Variants in ROBO2 observed in about 807,000 individuals in gnomAD.
The protein encoded by ROBO2 is roundabout guidance receptor 2.
A neutral mutation model predicts 160.8 loss-of-function variants in ROBO2; 53 were observed. That is an observed-to-expected ratio of 0.33 (90% confidence interval 0.26 to 0.41). The LOEUF is 0.41. Ranked by LOEUF, ROBO2 falls within the 10% of genes least tolerant of loss-of-function variation. ROBO2 has a pLI of 1.00. For synonymous variants in ROBO2, 664 were observed against 611.7 expected (o/e 1.09, Z -1.26); for missense variants, 1,577 against 1,722.4 (o/e 0.92, Z 1.49).
intron 2 of ROBO2, among the ~76,000 whole-genome samples, chr3:76,073,448 C>T (rs2068538081): frequency 6.6e-6 from 1 of 151,258 alleles, no homozygotes; most frequent in Admixed American, 6.6e-5. Flanking sequence ...GCCGCCCCCA[C>T]GCCCGGCTAA....
At chr3:76,765,552 A>G (rs142309325) in intron 2 of ROBO2, among the ~76,000 whole-genome samples, 8 of 151,770 alleles carry the variant, frequency 5.3e-5, no homozygotes, top group African/African-American at 1.9e-4. Context: ...AAAAGGTCCT[A>G]TAGCTACCAC....
intron 2 of ROBO2, among the ~76,000 whole-genome samples, chr3:77,129,792 G>A (rs1243194791): frequency 6.6e-6 from 1 of 152,106 alleles, no homozygotes; most frequent in Non-Finnish European, 1.5e-5. Flanking sequence ...GAAAGCTGTT[G>A]TAGTTCAGAC....
chr3:76,520,031 C>T (rs1012653538), intron 2 of ROBO2, among the ~76,000 whole-genome samples: 1 of 152,154 alleles, frequency 6.6e-6, no homozygotes, highest in Non-Finnish European at 1.5e-5. Context: ...ATAAATACCT[C>T]GTTAGTCCCT....
At chr3:76,888,649 A>G (rs2074103728) in intron 2 of ROBO2, among the ~76,000 whole-genome samples, 1 of 152,182 alleles carries the variant, frequency 6.6e-6, no homozygotes. Flanking sequence ...GTGTTTACAT[A>G]TGACATCGTA....
chr3:76,707,226 C>A (rs1465117753), intron 2 of ROBO2, among the ~76,000 whole-genome samples: 1 of 151,980 alleles, frequency 6.6e-6, no homozygotes, highest in East Asian at 1.9e-4. Flanking sequence ...AACACCAGTA[C>A]CTAAAGAAAC....
intron 2 of ROBO2, among the ~76,000 whole-genome samples, chr3:76,918,386 C>T (rs911164748): frequency 6.6e-6 from 1 of 152,108 alleles, no homozygotes; most frequent in Non-Finnish European, 1.5e-5. Context: ...TGAGGCCTCC[C>T]TAGCCATGCA....
intron 2 of ROBO2, among the ~76,000 whole-genome samples, chr3:76,086,552 T>A (rs2069020015): frequency 6.6e-6 from 1 of 152,076 alleles, no homozygotes. Flanking sequence ...TACTAATAAC[T>A]TCCTCTACTG....
At chr3:77,257,267 A>G (rs1260038743) in intron 2 of ROBO2, among the ~76,000 whole-genome samples, 1 of 152,210 alleles carries the variant, frequency 6.6e-6, no homozygotes, top group Non-Finnish European at 1.5e-5. Flanking sequence ...TTTCCAGCAA[A>G]CAAGATATAG....
intron 2 of ROBO2, among the ~76,000 whole-genome samples, chr3:76,648,876 T>A (rs1361082031): frequency 1.3e-5 from 2 of 152,132 alleles, no homozygotes; most frequent in African/African-American, 4.8e-5. Flanking sequence ...GTTATGAAAT[T>A]TAAAATTTTT....
intron 2 of ROBO2, among the ~76,000 whole-genome samples, chr3:76,868,587 ATAAC>A (rs2071634915): frequency 6.6e-6 from 1 of 152,208 alleles, no homozygotes; most frequent in Non-Finnish European, 1.5e-5. Flanking sequence ...TGTTGCTAAA[ATAAC>A]TAAGTCGAAT....
chr3:77,180,416 C>CTCTCTCTCTA (rs1433740534), intron 2 of ROBO2, among the ~76,000 whole-genome samples: 23 of 90,708 alleles, frequency 2.5e-4, no homozygotes, highest in South Asian at 3.8e-4. Flanking sequence ...CTCTCTCTCT[C>CTCTCTCTCTA]TATATATATA....
At chr3:76,922,143 G>A (rs952166476) in intron 2 of ROBO2, among the ~76,000 whole-genome samples, 10 of 152,012 alleles carry the variant, frequency 6.6e-5, no homozygotes, top group Admixed American at 6.6e-5. Flanking sequence ...AACCCCGTCT[G>A]CACTAAAAAT....
chr3:76,153,961 T>C (rs1258062448), intron 2 of ROBO2, among the ~76,000 whole-genome samples: 1 of 152,130 alleles, frequency 6.6e-6, no homozygotes, highest in African/African-American at 2.4e-5. Flanking sequence ...CTATAACGTA[T>C]TTCAAGAAGA....
intron 2 of ROBO2, among the ~76,000 whole-genome samples, chr3:76,827,584 A>C (rs1014275336): frequency 6.6e-6 from 1 of 152,182 alleles, no homozygotes; most frequent in African/African-American, 2.4e-5. Context: ...ACAGGGTTCA[A>C]GTTTAATGAC....
chr3:76,315,201 G>C (rs577223973), intron 2 of ROBO2, among the ~76,000 whole-genome samples: 4 of 152,298 alleles, frequency 2.6e-5, no homozygotes, highest in African/African-American at 9.6e-5. Context: ...CCTCCTGGAA[G>C]AGTCTGTTGA....
chr3:77,378,944 GTCT>G (rs1459110743), intron 2 of ROBO2, among the ~76,000 whole-genome samples: 3 of 150,168 alleles, frequency 2.0e-5, no homozygotes, highest in Non-Finnish European at 4.4e-5. Flanking sequence ...TCACTTCTGT[GTCT>G]TCTTTTTTTT....
intron 2 of ROBO2, among the ~76,000 whole-genome samples, chr3:77,391,949 C>G (rs1195785100): frequency 6.6e-6 from 1 of 152,028 alleles, no homozygotes; most frequent in Non-Finnish European, 1.5e-5. Context: ...CTTTCTAATC[C>G]CTTGAGACTT....
chr3:77,066,548 T>G (rs1444624461), intron 1 of ROBO2, among the ~76,000 whole-genome samples: 2 of 152,110 alleles, frequency 1.3e-5, no homozygotes, highest in South Asian at 2.1e-4. Flanking sequence ...GTATTTGTAT[T>G]TGGTATTTCC....
At chr3:76,388,454 G>A (rs2076997987) in intron 2 of ROBO2, among the ~76,000 whole-genome samples, 1 of 151,980 alleles carries the variant, frequency 6.6e-6, no homozygotes. Flanking sequence ...TGTATTTTTA[G>A]TAGAGACGGG....
Sources: allele counts gnomAD v4.1 joint callset (sites outside exome capture counted in the v4.1 genomes callset), GRCh38; gene constraint gnomAD v4.1.1; transcripts MANE v1.5; gene names NCBI Gene and HGNC (gene_info 2026-07-23, HGNC 2026-07-21).